KCNU1: variants seen among roughly 807,000 people sequenced by gnomAD.
The protein encoded by KCNU1 is potassium channel subfamily U member 1.
A neutral mutation model predicts 126.8 loss-of-function variants in KCNU1; 93 were observed. The observed-to-expected ratio is 0.73, with a 90% CI of 0.62 to 0.87. The LOEUF (loss-of-function observed/expected upper bound fraction) is 0.87, where lower values mean the gene tolerates loss of function less well. KCNU1 is among the 40% of genes least tolerant of loss of function. KCNU1 has a pLI of 0.00. For synonymous variants in KCNU1, 523 were observed against 494.2 expected (o/e 1.06, Z -0.77); for missense variants, 1,330 against 1,367.1 (o/e 0.97, Z 0.43).
chr8:36,824,058 A>G (rs1165751359), intron 10 of KCNU1, among the ~76,000 whole-genome samples: 1 of 152,064 alleles, frequency 6.6e-6, no homozygotes, highest in African/African-American at 2.4e-5. Context: ...GCTGGTCTTG[A>G]ACTCCTGACC....
intron 2 of KCNU1, 143 bp from the exon 3 acceptor site, chr8:36,803,884 A>G (rs1477660682): frequency 5.9e-6 from 4 of 679,118 alleles, no homozygotes; most frequent in Non-Finnish European, 1.0e-5. Flanking sequence ...AGATGAATGA[A>G]TGAATGAATA....
At chr8:36,803,486 T>TA (rs144610979) in intron 2 of KCNU1, among the ~76,000 whole-genome samples, 9,131 of 151,932 alleles carry the variant, frequency 0.06, 947 homozygotes, top group African/African-American at 0.21. Flanking sequence ...ACTGGCATGG[T>TA]AAAAAAAATC....
At chr8:36,895,005 T>C (rs1188772596) in intron 19 of KCNU1, among the ~76,000 whole-genome samples, 1 of 152,070 alleles carries the variant, frequency 6.6e-6, no homozygotes, top group Non-Finnish European at 1.5e-5. Context: ...TTCCATAAAG[T>C]TTTGTAAGAA....
chr8:36,925,991 A>G (rs751948587), intron 24 of KCNU1, among the ~76,000 whole-genome samples: 4 of 152,134 alleles, frequency 2.6e-5, no homozygotes, highest in African/African-American at 4.8e-5. Flanking sequence ...CCCCCAGATC[A>G]TACCTTTTCC....
chr8:36,935,612 G>C lies in KCNU1; in HGVS notation c.3142G>C (p.Glu1048Gln), dbSNP rs753750212. 1 of 1,613,358 alleles carries C rather than the reference G, an allele frequency of 6.2e-7. No homozygotes were observed. Reference protein sequence around the residue: ...PFSTACYKRNEEFSLQKSYEI... With the variant: ...PFSTACYKRNQEFSLQKSYEI... ...CAGCACTGCTTGTTATAAAAGGAAT[G>C]AAGAGTTCTCATTGCAAAAGTCATA... Residue 1048 changes from glutamate (E) to glutamine (Q), a missense_variant, in exon 27 of 27, where the codon GAA (glutamate) becomes CAA (glutamine). By Grantham distance (29) the Glu-to-Gln change is conservative (BLOSUM62 2). Around this residue, in one of 3 missense-constraint regions of KCNU1, gnomAD observed 1,054 missense variants for 1,053.9 expected, o/e 1.00. Transcript: ENST00000399881.
intron 10 of KCNU1, among the ~76,000 whole-genome samples, chr8:36,818,203 G>A (rs1038421148): frequency 5.3e-5 from 8 of 152,114 alleles, no homozygotes; most frequent in Non-Finnish European, 2.9e-5. Flanking sequence ...ATTTTGTCAA[G>A]CACTAGGAAA....
intron 19 of KCNU1, among the ~76,000 whole-genome samples, chr8:36,880,130 GGA>G (rs1395829704): frequency 6.6e-6 from 1 of 152,124 alleles, no homozygotes; most frequent in Non-Finnish European, 1.5e-5. Context: ...TGGATTAGAG[GGA>G]GAGAATACTT....
intron 19 of KCNU1, among the ~76,000 whole-genome samples, chr8:36,873,445 T>C (rs1308364722): frequency 6.6e-6 from 1 of 152,194 alleles, no homozygotes; most frequent in Admixed American, 6.5e-5. Context: ...CTATAAATTA[T>C]TGGCTTACAC....
At chr8:36,922,668 C>T (rs369392391) in intron 24 of KCNU1, 39 bp downstream of exon 24, 155 of 1,599,144 alleles carry the variant, frequency 9.7e-5, no homozygotes, top group Non-Finnish European at 1.2e-4. Flanking sequence ...AAAACCAAGC[C>T]CTCTGCAGAG....
chr8:36,813,688 A>G (rs1259183717), intron 7 of KCNU1, among the ~76,000 whole-genome samples: 2 of 151,882 alleles, frequency 1.3e-5, no homozygotes, highest in Non-Finnish European at 2.9e-5. Flanking sequence ...AAAATCACTG[A>G]AAAGACGATT....
chr8:36,879,207 G>GTATATATATA (rs1482123765), intron 19 of KCNU1, among the ~76,000 whole-genome samples: 10 of 53,874 alleles, frequency 1.9e-4, no homozygotes, highest in South Asian at 5.6e-4. Flanking sequence ...GTGTGTGTGT[G>GTATATATATA]TGTGTATATA....
At chr8:36,917,183 A>C (rs1322066610) in intron 22 of KCNU1, among the ~76,000 whole-genome samples, 1 of 152,200 alleles carries the variant, frequency 6.6e-6, no homozygotes, top group Non-Finnish European at 1.5e-5. Context: ...GCAGCAGGGA[A>C]TCTTAATTAC....
At chr8:36,797,033 G>T (rs1051503901) in intron 2 of KCNU1, among the ~76,000 whole-genome samples, 1 of 152,146 alleles carries the variant, frequency 6.6e-6, no homozygotes, top group African/African-American at 2.4e-5. Flanking sequence ...AGCTCTGCTA[G>T]GGTCTGAATT....
chr8:36,797,104 CA>C (rs1465557498), intron 2 of KCNU1, among the ~76,000 whole-genome samples: 1 of 152,106 alleles, frequency 6.6e-6, no homozygotes, highest in African/African-American at 2.4e-5. Context: ...GATTTCGGTT[CA>C]AACACTCGCG....
chr8:36,886,148 G>A (rs1430044871), intron 19 of KCNU1, among the ~76,000 whole-genome samples: 1 of 152,160 alleles, frequency 6.6e-6, no homozygotes. Flanking sequence ...GGAGTTCTTA[G>A]GAAAACCCAA....
At chr8:36,861,323 C>A (rs1016753974) in intron 18 of KCNU1, among the ~76,000 whole-genome samples, 2 of 152,176 alleles carry the variant, frequency 1.3e-5, no homozygotes, top group African/African-American at 4.8e-5. Context: ...GATTTCCAAT[C>A]GTTAGCATTA....
intron 9 of KCNU1, among the ~76,000 whole-genome samples, chr8:36,816,522 T>C (rs998930028): frequency 3.9e-5 from 6 of 152,122 alleles, no homozygotes; most frequent in Non-Finnish European, 7.4e-5. Flanking sequence ...AAAAATATGA[T>C]GAAATGAACA....
At position 36,935,934 on chromosome 8, in the gene KCNU1, C is replaced by T. The variant is rs751881795; in HGVS notation, c.*14C>T. 1 of 1,530,800 alleles carries T rather than the reference C, an allele frequency of 6.5e-7. No individual in the cohort carries two copies. The highest frequency in any genetic ancestry group is 1.8e-4 in the Middle Eastern group (1 of 5,678). The allele number at this position is 1,530,800 out of a possible 1,614,324, so 94.8% of individuals were successfully genotyped here. A position where few individuals can be genotyped will look rare whatever the true frequency, so the allele number is the denominator to read the frequency against. On this transcript the variant is annotated 3_prime_UTR_variant, in exon 27 of 27. Transcript: ENST00000399881. ...GAGCCACTATAGACCTGCCCATATTCTTCACGTGCTCTTAACTTGCTGCTT... is the reference window on the plus strand; with the variant it reads ...GAGCCACTATAGACCTGCCCATATTTTTCACGTGCTCTTAACTTGCTGCTT...
intron 9 of KCNU1, among the ~76,000 whole-genome samples, chr8:36,816,440 G>C (rs183086477): frequency 6.6e-6 from 1 of 152,114 alleles, no homozygotes; most frequent in Non-Finnish European, 1.5e-5. Flanking sequence ...ATGGAGATAG[G>C]CTCCCTGAAA....
Sources: gnomAD v4.1 joint callset for allele counts (sites outside exome capture counted in the v4.1 genomes callset) on GRCh38, gnomAD v4.1.1 for gene constraint, gnomAD v4.1.1 regional missense constraint, MANE v1.5 for transcripts, NCBI Gene and HGNC (gene_info 2026-07-23, HGNC 2026-07-21) for gene names.